The following AOPEP variants were observed in gnomAD, a reference collection of about 807,000 sequenced individuals.
AOPEP encodes aminopeptidase O.
AOPEP carries 77 observed loss-of-function variants against 98.1 expected under a neutral mutation model. That is an observed-to-expected ratio of 0.78 (90% CI 0.65 to 0.95). The LOEUF (loss-of-function observed/expected upper bound fraction) is 0.95. AOPEP is among the 40% of genes least tolerant of loss of function. AOPEP has a pLI of 0.00. For synonymous variants in AOPEP, 346 were observed against 365.3 expected, an observed-to-expected ratio of 0.95 and a Z score of 0.60; for missense variants, 1,024 against 1,024.7, an observed-to-expected ratio of 1.00 and a Z score of 0.01.
At chr9:94,844,993 A>G (rs913541902) in intron 5 of AOPEP, among the ~76,000 whole-genome samples, 3 of 152,270 alleles carry the variant, frequency 2.0e-5, no homozygotes, top group Admixed American at 1.3e-4. Context: ...ACAAATATTT[A>G]TGGAACACCT....
chr9:94,955,126 ATTAC>A, intron 7 of AOPEP, 47 bp from the exon 8 acceptor site: 2 of 1,029,470 alleles, frequency 1.9e-6, no homozygotes, highest in Non-Finnish European at 3.0e-6. Flanking sequence ...TTATGACCTA[ATTAC>A]TTAAGAATGT....
intron 5 of AOPEP, among the ~76,000 whole-genome samples, chr9:94,838,822 A>G (rs1046066640): frequency 5.3e-5 from 8 of 151,812 alleles, no homozygotes; most frequent in African/African-American, 1.9e-4. Flanking sequence ...TTTACAACAT[A>G]GAGGTCCTGT....
At chr9:95,139,763 G>A in the AOPEP span, among the ~76,000 whole-genome samples, 1 of 150,168 alleles carries the variant, frequency 6.7e-6, no homozygotes, top group East Asian at 2.0e-4. Flanking sequence ...TGAGGAGGAG[G>A]AGGTAATGAA....
intron 5 of AOPEP, among the ~76,000 whole-genome samples, chr9:94,812,034 ACTT>A (rs981171526): frequency 6.6e-5 from 10 of 152,096 alleles, no homozygotes; most frequent in African/African-American, 2.2e-4. Flanking sequence ...TCCAGGGAAC[ACTT>A]CTTCTTCAGC....
chr9:95,016,402 C>T (rs1218207660), intron 13 of AOPEP, among the ~76,000 whole-genome samples: 1 of 150,674 alleles, frequency 6.6e-6, no homozygotes, highest in Non-Finnish European at 1.5e-5. Context: ...CACCACCACG[C>T]CTGGCTAATT....
chr9:94,936,747 C>T (rs191449165), intron 7 of AOPEP, among the ~76,000 whole-genome samples: 5 of 152,346 alleles, frequency 3.3e-5, no homozygotes, highest in African/African-American at 4.8e-5. Context: ...ACCAGTCACA[C>T]GCCCCAGGTT....
intron 5 of AOPEP, among the ~76,000 whole-genome samples, chr9:94,810,916 A>C (rs1171474739): frequency 6.6e-6 from 1 of 151,990 alleles, no homozygotes; most frequent in Non-Finnish European, 1.5e-5. Context: ...GAAAAGCATC[A>C]TTTTCAAATA....
intron 5 of AOPEP, among the ~76,000 whole-genome samples, chr9:94,917,647 G>A (rs531770563): frequency 3.9e-5 from 6 of 152,236 alleles, no homozygotes; most frequent in East Asian, 1.9e-4. Flanking sequence ...CTTCCCTGAC[G>A]TAGCTGCCCA....
In AOPEP at chr9:94,945,211, A is replaced by T. The variant is rs958117607; in HGVS notation, c.1662-9966A>T. On this transcript the variant is annotated intron_variant, in intron 7 of 16. Coordinates refer to ENST00000375315, the MANE Select transcript of AOPEP (RefSeq NM_001193329.3). ...GTATACACACAAGATTGTGTGTTTTATCCATGCCATGCTATACCTCCCATT... is the reference window on the plus strand; with the variant it reads ...GTATACACACAAGATTGTGTGTTTTTTCCATGCCATGCTATACCTCCCATT... Among the ~76,000 whole-genome samples the T allele has an allele frequency of 2.9e-4, 44 of 152,230 alleles. 1 individual carries two copies. Among genetic ancestry groups the T allele is most frequent in the Admixed American group, 2.9e-3 (44 of 15,284 alleles).
At chr9:94,811,894 A>G (rs1648148109) in intron 5 of AOPEP, among the ~76,000 whole-genome samples, 1 of 152,214 alleles carries the variant, frequency 6.6e-6, no homozygotes, top group African/African-American at 2.4e-5. Flanking sequence ...AAGGCCACAC[A>G]TGCTTGTGCT....
chr9:94,843,044 T>C (rs2042455204), intron 5 of AOPEP, among the ~76,000 whole-genome samples: 1 of 152,242 alleles, frequency 6.6e-6, no homozygotes, highest in South Asian at 2.1e-4. Context: ...TTGCCAATTT[T>C]GTGGGGTTTT....
At chr9:94,859,231 G>T (rs78002119) in intron 5 of AOPEP, among the ~76,000 whole-genome samples, 4,881 of 152,208 alleles carry the variant, frequency 0.032, 266 homozygotes, top group African/African-American at 0.11. Context: ...GAACCTGACC[G>T]TGCTAGCATA....
At chr9:94,782,745 C>T (rs191213030) in intron 3 of AOPEP, among the ~76,000 whole-genome samples, 60 of 152,300 alleles carry the variant, frequency 3.9e-4, no homozygotes, top group African/African-American at 1.4e-3. Context: ...CACATACATT[C>T]CTATGTTTTT....
intron 13 of AOPEP, among the ~76,000 whole-genome samples, chr9:95,020,525 T>C (rs980125060): frequency 2.0e-5 from 3 of 152,126 alleles, no homozygotes; most frequent in African/African-American, 7.2e-5. Context: ...GTGCTTTTCA[T>C]GTTACATTAG....
chr9:95,140,224 A>T, the AOPEP span, among the ~76,000 whole-genome samples: 1 of 152,134 alleles, frequency 6.6e-6, no homozygotes, highest in African/African-American at 2.4e-5. Context: ...GGCTCCACCT[A>T]GAAATCTGAT....
the AOPEP span, among the ~76,000 whole-genome samples, chr9:95,141,963 T>TTATGGTA: frequency 6.7e-6 from 1 of 149,178 alleles, no homozygotes; most frequent in African/African-American, 2.5e-5. Context: ...ATGGTAATAG[T>TTATGGTA]AATATGTTAA....
rs139621330 is a variant in AOPEP at position 94,971,082 on chromosome 9, A to G, written c.1916+3281A>G. ...TCTTCCTAATAAGGTTATGGAGTTC[A>G]TTTGGATGGCCCCTGAGCCCTCTGG... On this transcript the variant is annotated intron_variant, in intron 10 of 16. Coordinates refer to ENST00000375315, the MANE Select transcript of AOPEP (RefSeq NM_001193329.3). 2.1e-3 allele frequency among the ~76,000 whole-genome samples: 326 copies of G among 152,212 alleles called. 1 individual carries two copies. Among genetic ancestry groups the G allele is most frequent in the African/African-American group, 7.2e-3 (299 of 41,526 alleles).
intron 2 of AOPEP, among the ~76,000 whole-genome samples, chr9:94,766,288 C>T (rs1307131435): frequency 6.6e-6 from 1 of 152,216 alleles, no homozygotes; most frequent in Non-Finnish European, 1.5e-5. Context: ...CGTGTAATCC[C>T]AGCACTTTGG....
At position 94,944,973 on chromosome 9, in the gene AOPEP, C is replaced by G. The variant is rs989815604; in HGVS notation, c.1662-10204C>G. Among the ~76,000 whole-genome samples, 3 of 152,120 alleles carry G rather than the reference C, an allele frequency of 2.0e-5. No homozygotes were observed. The East Asian group carries it at 5.8e-4, about 29-fold the overall frequency. On this transcript the variant is annotated intron_variant, in intron 7 of 16. Transcript: ENST00000375315. Reference sequence around the variant, plus strand: ...TGTTCTCTACTGTCTCATAATACCCCTGTAGCCTGGTGGGGTTGATCAACA... The same window carrying G: ...TGTTCTCTACTGTCTCATAATACCCGTGTAGCCTGGTGGGGTTGATCAACA...
Sources: gnomAD v4.1 joint callset for allele counts (sites outside exome capture counted in the v4.1 genomes callset) on GRCh38, gnomAD v4.1.1 for gene constraint, MANE v1.5 for transcripts, NCBI Gene and HGNC (gene_info 2026-07-23, HGNC 2026-07-21) for gene names.